TNRC6B: variants seen among roughly 807,000 people sequenced by gnomAD.
The protein encoded by TNRC6B is trinucleotide repeat containing adaptor 6B, also known as trinucleotide repeat-containing gene 6B protein.
A neutral mutation model predicts 203.6 loss-of-function variants in TNRC6B; 52 were observed. That is an observed-to-expected ratio of 0.26 (90% CI 0.20 to 0.32). The LOEUF (loss-of-function observed/expected upper bound fraction) is 0.32. Ranked by LOEUF, TNRC6B falls within the 10% of genes least tolerant of loss-of-function variation. TNRC6B has a pLI of 1.00. For missense variants in TNRC6B, 1,923 were observed against 2,286.2 expected (o/e 0.84, Z 3.24); for synonymous variants, 838 against 845.7 (o/e 0.99, Z 0.16).
At chr22:40,208,282 C>T (rs2069513618) in intron 1 of TNRC6B, among the ~76,000 whole-genome samples, 1 of 152,058 alleles carries the variant, frequency 6.6e-6, no homozygotes, top group Admixed American at 6.6e-5. Context: ...CTCTATGAGC[C>T]AGCAGTTTCA....
At position 40,234,209 on chromosome 22, in the gene TNRC6B, C is replaced by T. The variant is rs182423200; in HGVS notation, c.6-11806C>T. Among the ~76,000 whole-genome samples the T allele has an allele frequency of 2.3e-3, 345 of 152,198 alleles. 2 individuals carry two copies. Among genetic ancestry groups the T allele is most frequent in the Middle Eastern group, 0.01 (3 of 294 alleles). On this transcript the variant is annotated intron_variant, in intron 1 of 22. Transcript: ENST00000454349. Reference sequence around the variant, plus strand: ...GCCAAGGCAGGAGGATCACTCAAGCCCAGGAGTTTGAGGCTGCAGCGAACC... The same window carrying T: ...GCCAAGGCAGGAGGATCACTCAAGCTCAGGAGTTTGAGGCTGCAGCGAACC...
At chr22:40,315,156 G>A (rs1372639449) in intron 19 of TNRC6B, 127 bp from the exon 20 acceptor site, 6 of 755,826 alleles carry the variant, frequency 7.9e-6, no homozygotes, top group Admixed American at 5.4e-5. Context: ...TGCTTAAAAT[G>A]TGTACTATTA....
chr22:40,230,928 A>G (rs2069861151), intron 1 of TNRC6B, among the ~76,000 whole-genome samples: 1 of 152,298 alleles, frequency 6.6e-6, no homozygotes, highest in African/African-American at 2.4e-5. Flanking sequence ...TTGCCAAGGT[A>G]CAAATTGAGG....
At chr22:40,071,963 C>A (rs1348774322) in intron 1 of TNRC6B, among the ~76,000 whole-genome samples, 2 of 152,192 alleles carry the variant, frequency 1.3e-5, no homozygotes, top group African/African-American at 4.8e-5. Flanking sequence ...GCTCAGTCTT[C>A]CCACCTCAGC....
At chr22:40,248,787 G>A (rs948751086) in intron 2 of TNRC6B, among the ~76,000 whole-genome samples, 5 of 152,166 alleles carry the variant, frequency 3.3e-5, no homozygotes, top group Non-Finnish European at 5.9e-5. Flanking sequence ...AAATTCTATC[G>A]TTTTTGCTCA....
At chr22:40,154,860 A>ATAAATAT (rs1373735446) in intron 3 of TNRC6B, among the ~76,000 whole-genome samples, 1 of 23,586 alleles carries the variant, frequency 4.2e-5, no homozygotes, top group Admixed American at 7.5e-4. Context: ...AAAAAAAAAA[A>ATAAATAT]ATATATATAT....
chr22:40,098,963 A>G (rs1282525930), intron 1 of TNRC6B, among the ~76,000 whole-genome samples: 1 of 152,154 alleles, frequency 6.6e-6, no homozygotes, highest in East Asian at 1.9e-4. Context: ...AAGAAAACAT[A>G]AAGTAGGACC....
chr22:40,181,566 T>G (rs937424915), intron 1 of TNRC6B, among the ~76,000 whole-genome samples: 1 of 152,200 alleles, frequency 6.6e-6, no homozygotes, highest in Non-Finnish European at 1.5e-5. Context: ...CTTGGCAGTT[T>G]ATGTGCAATA....
chr22:40,231,494 TCA>T (rs1015848837), intron 1 of TNRC6B, among the ~76,000 whole-genome samples: 2 of 151,762 alleles, frequency 1.3e-5, no homozygotes, highest in Non-Finnish European at 2.9e-5. Flanking sequence ...TCTTATGTGT[TCA>T]CAGTTTTTGA....
intron 12 of TNRC6B, among the ~76,000 whole-genome samples, chr22:40,290,637 G>A (rs550487272): frequency 1.8e-4 from 28 of 152,236 alleles, no homozygotes; most frequent in African/African-American, 5.3e-4. Context: ...GGGCAGCTAC[G>A]TACAGTGTGC....
At chr22:40,139,097 C>G (rs9619847) in intron 3 of TNRC6B, among the ~76,000 whole-genome samples, 2 of 152,178 alleles carry the variant, frequency 1.3e-5, no homozygotes, top group Non-Finnish European at 2.9e-5. Flanking sequence ...CAGTCACTCT[C>G]TATTCCCTTT....
At chr22:40,243,121 G>A (rs1160308565) in intron 1 of TNRC6B, among the ~76,000 whole-genome samples, 3 of 151,908 alleles carry the variant, frequency 2.0e-5, no homozygotes, top group Non-Finnish European at 2.9e-5. Flanking sequence ...CACCCGTCTC[G>A]GCCTCCCAAA....
intron 1 of TNRC6B, among the ~76,000 whole-genome samples, chr22:40,094,518 G>C (rs2068173067): frequency 6.6e-6 from 1 of 152,190 alleles, no homozygotes; most frequent in Non-Finnish European, 1.5e-5. Context: ...TGAAAGTGTT[G>C]TGAAGCCCAG....
intron 3 of TNRC6B, among the ~76,000 whole-genome samples, chr22:40,135,266 A>G (rs1315415782): frequency 6.6e-6 from 1 of 152,174 alleles, no homozygotes; most frequent in African/African-American, 2.4e-5. Flanking sequence ...GGACCATCCC[A>G]GACTCAAGGG....
intron 16 of TNRC6B, among the ~76,000 whole-genome samples, 169 bp from the exon 17 acceptor site, chr22:40,310,648 T>C (rs2071164446): frequency 6.6e-6 from 1 of 152,216 alleles, no homozygotes; most frequent in Non-Finnish European, 1.5e-5. Context: ...TTGTTGGTCA[T>C]GCTGCTTAGT....
rs1248973472 is a variant in TNRC6B, at chr22:40,300,447, T to G, written c.3709-8T>G. 1.6e-5 allele frequency: 25 copies of G among 1,542,110 alleles called. No homozygotes were observed. The highest frequency in any genetic ancestry group is 3.5e-4 in the Middle Eastern group (2 of 5,794). On this transcript the variant is annotated splice_polypyrimidine_tract_variant and splice_region_variant and intron_variant, in intron 12 of 22. Coordinates refer to ENST00000454349, the MANE Select transcript of TNRC6B (RefSeq NM_001162501.2). ...TTTCTTTTCTTTCTTTTTTATTTTT[T>G]TGGCTAGGTTTCTGCCTCAATGCTC... is the stretch of plus-strand genomic sequence containing the variant.
At chr22:40,209,176 A>G (rs1368679604) in intron 1 of TNRC6B, among the ~76,000 whole-genome samples, 1 of 152,158 alleles carries the variant, frequency 6.6e-6, no homozygotes, top group Non-Finnish European at 1.5e-5. Flanking sequence ...CTAATCTCCT[A>G]ATGATAAGAC....
chr22:40,228,197 G>A (rs1290976024), intron 1 of TNRC6B, among the ~76,000 whole-genome samples: 1 of 152,060 alleles, frequency 6.6e-6, no homozygotes, highest in African/African-American at 2.4e-5. Context: ...GGAGGCCGAG[G>A]CAGGCGGATC....
rs201025682 is a variant in TNRC6B at position 40,313,032 on chromosome 22, G to A, written c.4678+35G>A. 5 of 1,543,746 alleles carry A rather than the reference G, an allele frequency of 3.2e-6. No homozygotes were observed. In the African/African-American group the frequency reaches 6.8e-5, roughly 21 times the overall value. On this transcript the variant is annotated intron_variant, in intron 19 of 22. Coordinates refer to ENST00000454349, the MANE Select transcript of TNRC6B (RefSeq NM_001162501.2). Reference sequence around the variant, plus strand: ...TGAATTTTTTGTTTCCCTTTGGTTAGCACTTTTTCATCAGGTTCCCTTTTA... The same window carrying A: ...TGAATTTTTTGTTTCCCTTTGGTTAACACTTTTTCATCAGGTTCCCTTTTA...
Sources: allele counts gnomAD v4.1 joint callset (sites outside exome capture counted in the v4.1 genomes callset), GRCh38; gene constraint gnomAD v4.1.1; transcripts MANE v1.5; gene names NCBI Gene and HGNC (gene_info 2026-07-23, HGNC 2026-07-21).